Variants in LOXL2 observed in about 807,000 individuals in gnomAD.
LOXL2 encodes lysyl oxidase homolog 2.
LOXL2 carries 70 observed loss-of-function variants against 93.0 expected under a neutral mutation model. The ratio of observed to expected loss-of-function variants is 0.75; its 90% CI spans 0.62 to 0.92. The LOEUF (loss-of-function observed/expected upper bound fraction) is 0.92. Among genes scored for constraint, LOXL2 ranks in the 40% least tolerant of loss-of-function variants. LOXL2 has a pLI of 0.00. For synonymous variants in LOXL2, 438 were observed against 413.2 expected, an observed-to-expected ratio of 1.06 and a Z score of -0.73; for missense variants, 973 against 1,054.9, an observed-to-expected ratio of 0.92 and a Z score of 1.08.
At position 23,356,646 on chromosome 8, in the gene LOXL2, T is replaced by C. The variant is rs537566749; in HGVS notation, c.531+3444A>G. 1.1e-4 allele frequency among the ~76,000 whole-genome samples: 16 copies of C among 152,210 alleles called. No individual in the cohort carries two copies. The South Asian group carries it at 1.2e-3, about 12-fold the overall frequency. On this transcript the variant is annotated intron_variant, in intron 3 of 13. Coordinates refer to ENST00000389131, the MANE Select transcript of LOXL2 (RefSeq NM_002318.3). Reference sequence around the variant, plus strand: ...GAAGTTGCAGGGGACTGATCATCAATGAAAGTTCCCTAAGTCTCTGTGGTT... The same window carrying C: ...GAAGTTGCAGGGGACTGATCATCAACGAAAGTTCCCTAAGTCTCTGTGGTT...
Position 23,309,721 on chromosome 8 carries a change from G to A in LOXL2, c.1827C>T (p.Ser609=), listed in dbSNP as rs367680908. 1.3e-5 allele frequency: 21 copies of A among 1,579,306 alleles called. No homozygotes were observed. The highest frequency in any genetic ancestry group is 2.3e-5 in the South Asian group (2 of 86,664). ...GGCGGCCGTTCTTGGGCCGGAAGTC[G>A]GACTGGCCATTGTTGTGGATCTGGG... ...FSSQIHNNGQ[S]DFRPKNGRHA... is the part of the protein sequence containing the mutation. Residue 609 remains serine (S), a synonymous_variant, in exon 10 of 14, where the codon TCC becomes TCT. Coordinates refer to ENST00000389131, the MANE Select transcript of LOXL2 (RefSeq NM_002318.3).
intron 4 of LOXL2, among the ~76,000 whole-genome samples, chr8:23,338,722 C>T (rs1046922091): frequency 6.6e-6 from 1 of 152,168 alleles, no homozygotes; most frequent in Non-Finnish European, 1.5e-5. Context: ...GGGTGGTGGT[C>T]CTCAGTCTGC....
At chr8:23,331,235 G>A (rs1322262743) in intron 5 of LOXL2, among the ~76,000 whole-genome samples, 1 of 152,114 alleles carries the variant, frequency 6.6e-6, no homozygotes, top group Non-Finnish European at 1.5e-5. Flanking sequence ...AGCCAAAAGG[G>A]CATGGCTGGG....
intron 1 of LOXL2, among the ~76,000 whole-genome samples, chr8:23,397,128 C>T (rs562720262): frequency 2.0e-5 from 3 of 152,280 alleles, no homozygotes; most frequent in African/African-American, 7.2e-5. Flanking sequence ...ATATATTCCA[C>T]TTATATGAAG....
chr8:23,332,289 A>ACC (rs1450204569), intron 5 of LOXL2, among the ~76,000 whole-genome samples: 1 of 80,388 alleles, frequency 1.2e-5, no homozygotes, highest in Admixed American at 1.7e-4. Flanking sequence ...ACCCACACAG[A>ACC]CCCCCACACA....
chr8:23,311,295 G>A (rs1422589694), intron 9 of LOXL2, among the ~76,000 whole-genome samples: 1 of 152,218 alleles, frequency 6.6e-6, no homozygotes, highest in African/African-American at 2.4e-5. Flanking sequence ...GGAACCAAAG[G>A]GTAGGGAAAA....
At chr8:23,396,900 G>T (rs943387668) in intron 1 of LOXL2, among the ~76,000 whole-genome samples, 1 of 152,222 alleles carries the variant, frequency 6.6e-6, no homozygotes, top group Non-Finnish European at 1.5e-5. Context: ...ACAGGCATTT[G>T]TACACCAATG....
chr8:23,338,607 G>C (rs1803834082), intron 4 of LOXL2, among the ~76,000 whole-genome samples: 1 of 152,244 alleles, frequency 6.6e-6, no homozygotes, highest in African/African-American at 2.4e-5. Flanking sequence ...GTCCCTTCTT[G>C]GGCCTCAGAG....
intron 3 of LOXL2, among the ~76,000 whole-genome samples, chr8:23,342,296 C>T (rs1803894172): frequency 6.6e-6 from 1 of 150,590 alleles, no homozygotes; most frequent in East Asian, 1.9e-4. Context: ...CCATAACAGG[C>T]TCCAAACTCT....
At chr8:23,317,611 C>T (rs950684314) in intron 8 of LOXL2, among the ~76,000 whole-genome samples, 6 of 152,256 alleles carry the variant, frequency 3.9e-5, no homozygotes, top group East Asian at 1.9e-4. Context: ...GTTATAAAGA[C>T]GAACTTCTGA....
Position 23,342,939 on chromosome 8 carries a change from C to T in LOXL2, c.532-1736G>A, listed in dbSNP as rs529654547. Among the ~76,000 whole-genome samples, 46 of 152,060 alleles carry T rather than the reference C, an allele frequency of 3.0e-4. 1 individual carries two copies. The highest frequency in any genetic ancestry group is 9.4e-4 in the African/African-American group (39 of 41,456). On this transcript the variant is annotated intron_variant, in intron 3 of 13. Transcript: ENST00000389131. ...CTAATTTTAAAATATATTTCAGAGA[C>T]GAGGTCTCACTATGTTGCCTAAGCT...
intron 3 of LOXL2, among the ~76,000 whole-genome samples, chr8:23,347,244 C>T (rs1270110002): frequency 6.6e-6 from 1 of 151,698 alleles, no homozygotes; most frequent in African/African-American, 2.4e-5. Flanking sequence ...GTAATCCCAG[C>T]GACTCAGGAG....
Position 23,320,015 on chromosome 8 carries a change from C to T in LOXL2, c.1340G>A (p.Arg447Gln), listed in dbSNP as rs937088172. Residue 447 changes from arginine to glutamine, a missense_variant, in exon 8 of 14, where the codon CGA (arginine) becomes CAA (glutamine). Transcript: ENST00000389131. Reference sequence around the variant, plus strand: ...GTTTCTCTCCACCAGCACCTCCACTCGGCCCTCGTAGGGATTGCGGCCGCC... The same window carrying T: ...GTTTCTCTCCACCAGCACCTCCACTTGGCCCTCGTAGGGATTGCGGCCGCC... The part of the protein sequence containing the change: ...LNGGRNPYEG[R>Q]VEVLVERNGS... 27 of 1,613,992 alleles carry T rather than the reference C, an allele frequency of 1.7e-5. No homozygotes were observed. Among genetic ancestry groups the T allele is most frequent in the Non-Finnish European group, 2.0e-5 (24 of 1,179,978 alleles).
At chr8:23,376,315 T>C (rs1347829813) in intron 1 of LOXL2, among the ~76,000 whole-genome samples, 1 of 152,228 alleles carries the variant, frequency 6.6e-6, no homozygotes, top group Non-Finnish European at 1.5e-5. Flanking sequence ...GATAAGCTTT[T>C]TGATGTGCTG....
intron 4 of LOXL2, among the ~76,000 whole-genome samples, chr8:23,334,821 GTT>G (rs201308827): frequency 2.1e-5 from 3 of 142,982 alleles, no homozygotes; most frequent in African/African-American, 5.2e-5. Context: ...ATTTGTTGTT[GTT>G]TTTTTTTTTT....
At chr8:23,351,141 G>C (rs1417804409) in intron 3 of LOXL2, among the ~76,000 whole-genome samples, 1 of 152,146 alleles carries the variant, frequency 6.6e-6, no homozygotes, top group Non-Finnish European at 1.5e-5. Context: ...GTAGGGTCTG[G>C]TGCTGAATCA....
intron 4 of LOXL2, among the ~76,000 whole-genome samples, chr8:23,338,826 G>C (rs1231873711): frequency 6.6e-6 from 1 of 152,156 alleles, no homozygotes; most frequent in Non-Finnish European, 1.5e-5. Flanking sequence ...ACTGGCCAGA[G>C]CTTCTGAGCT....
intron 1 of LOXL2, among the ~76,000 whole-genome samples, chr8:23,369,289 G>A (rs977256404): frequency 9.2e-5 from 14 of 152,228 alleles, no homozygotes; most frequent in African/African-American, 3.4e-4. Flanking sequence ...AAGAATTCCC[G>A]AGTGAAATCA....
At chr8:23,353,103 A>G (rs7845726) in intron 3 of LOXL2, among the ~76,000 whole-genome samples, 45,806 of 151,910 alleles carry the variant, frequency 0.3, 8,915 homozygotes, top group African/African-American at 0.55. Context: ...CACACAGCCC[A>G]GCCACAAGGC....
Sources: gnomAD v4.1 joint callset for allele counts (sites outside exome capture counted in the v4.1 genomes callset) on GRCh38, gnomAD v4.1.1 for gene constraint, MANE v1.5 for transcripts, NCBI Gene and HGNC (gene_info 2026-07-23, HGNC 2026-07-21) for gene names.